Variants in KDM5C observed in about 807,000 individuals in gnomAD.
KDM5C encodes the protein lysine demethylase 5C, also known as lysine-specific demethylase 5C.
In KDM5C, 16 loss-of-function variants were observed where a neutral mutation model predicts 110.6. The observed-to-expected ratio is 0.14, with a 90% confidence interval of 0.10 to 0.22. The LOEUF is 0.22. Ranked by LOEUF, KDM5C falls within the 10% of genes least tolerant of loss-of-function variation. The pLI is 1.00. For synonymous variants in KDM5C, 511 were observed against 520.4 expected (o/e 0.98, Z 0.24); for missense variants, 681 against 1,300.9 (o/e 0.52, Z 7.33).
intron 10 of KDM5C, 25 bp from the exon 11 acceptor site, chrX:53,210,882 AG>A (rs782693823): frequency 8.6e-7 from 1 of 1,167,232 alleles, no homozygotes; most frequent in South Asian, 1.8e-5. Context: ...ATTTGTAAAA[AG>A]GGCATGAGGG....
rs2073633169 is a variant in KDM5C, at chrX:53,213,282, T to C, written c.1123-1376A>G. Among the ~76,000 whole-genome samples the C allele has an allele frequency of 2.7e-5, 3 of 111,769 alleles. No homozygotes were observed. The South Asian group carries it at 1.1e-3, about 42-fold the overall frequency. On this transcript the variant is annotated intron_variant, in intron 8 of 25. Coordinates refer to ENST00000375401, the MANE Select transcript of KDM5C (RefSeq NM_004187.5). ...GTCGACAGTCTTGATACTGTTGGTA[T>C]CCAAACTCCTCCCCAACTAGAATCT...
chrX:53,181,900 T>C (rs1312456877), intron 25 of KDM5C, among the ~76,000 whole-genome samples: 5 of 109,095 alleles, frequency 4.6e-5, no homozygotes, highest in Non-Finnish European at 7.6e-5. Context: ...ACCATTCTCC[T>C]GCCTCAGCCT....
rs142690298 is a variant in KDM5C, at chrX:53,194,958, C to T, written c.3411G>A (p.Ala1137=). 129 of 1,209,177 alleles carry T rather than the reference C, an allele frequency of 1.1e-4. 1 individual carries two copies. The African/African-American group carries it at 1.5e-3, about 14-fold the overall frequency. ...CAGAGCCTGGGTCCCTGAGGTCCTG[C>T]GCAGACAGCCCCAGCAGCTCTGTGT... The part of the protein sequence containing the change: ...KSDTELLGLS[A]QDLRDPGSVI... The change falls in exon 22 of 26, where the codon GCG becomes GCA. Residue 1137 remains alanine, a synonymous_variant. Transcript: ENST00000375401.
intron 12 of KDM5C, chrX:53,202,512 T>A: frequency 8.1e-6 from 1 of 122,912 alleles, no homozygotes; most frequent in South Asian, 2.7e-4. Context: ...ATATCCCTAA[T>A]TTTCTGACCA....
intron 12 of KDM5C, among the ~76,000 whole-genome samples, chrX:53,208,414 TAC>T (rs1232269514): frequency 1.9e-4 from 3 of 15,674 alleles, no homozygotes; most frequent in Non-Finnish European, 3.2e-4. Flanking sequence ...TATATACACA[TAC>T]ATATATATAT....
chrX:53,195,525 A>C (rs782562371), intron 20 of KDM5C, 115 bp from the exon 21 acceptor site: 7 of 730,154 alleles, frequency 9.6e-6, no homozygotes, highest in Non-Finnish European at 1.5e-5. Flanking sequence ...GGGATTAAAA[A>C]AATAGGTGTC....
At chrX:53,187,765 CT>C (rs112880217), downstream of KDM5C, among the ~76,000 whole-genome samples, 7 of 100,045 alleles carry the variant, frequency 7.0e-5, no homozygotes, top group African/African-American at 1.8e-4. Context: ...AAATAATTTT[CT>C]TTTTTTTTTT....
Position 53,224,782 on chromosome X carries a change from G to T in KDM5C, c.108C>A (p.Pro36=). 1 of 1,211,985 alleles carries T rather than the reference G, an allele frequency of 8.3e-7. No homozygotes were observed. The highest frequency in any genetic ancestry group is 1.1e-6 in the Non-Finnish European group (1 of 895,434). Residue 36 remains proline (P), a synonymous_variant, in exon 1 of 26, where the codon CCC becomes CCA. Coordinates refer to ENST00000375401, the MANE Select transcript of KDM5C (RefSeq NM_004187.5). ...TGCAAATGCCCGATTTCTCTGCGAT[G>T]GGCCTGATTTTCGCGATGTAGCCAA... The part of the protein sequence containing the change: ...DPLGYIAKIR[P]IAEKSGICKI...
intron 5 of KDM5C, among the ~76,000 whole-genome samples, chrX:53,216,467 G>C (rs2073744959): frequency 8.9e-6 from 1 of 112,200 alleles, no homozygotes; most frequent in African/African-American, 3.2e-5. Context: ...ATAGTTATGA[G>C]GGGGGTTAGG....
chrX:53,193,810 A>G lies in KDM5C; in HGVS notation c.4080T>C (p.Pro1360=). ...LLENGDSVTS[P]EKVAPEEGSG... ...AGCCCTCCTCCGGGGCTACCTTCTC[A>G]GGACTGGTCACACTGTCTCCATTCT... Residue 1360 remains proline, a synonymous_variant, in exon 24 of 26, where the codon CCT becomes CCC. Transcript: ENST00000375401. The G allele has an allele frequency of 8.3e-7, 1 of 1,211,204 alleles. No individual in the cohort carries two copies.
rs1165113816 is a variant in KDM5C at position 53,184,188 on chromosome X, T to C, written c.4309-7566A>G. Among the ~76,000 whole-genome samples the C allele has an allele frequency of 2.7e-5, 3 of 112,352 alleles. No individual in the cohort carries two copies. In the East Asian group the frequency reaches 8.3e-4, roughly 31 times the overall value. On this transcript the variant is annotated intron_variant, in intron 25 of 25. Coordinates refer to the KDM5C transcript ENST00000685641. ...TAGTGTATAAAAGCACACTGCTTTT[T>C]ATGTGTTGATCTTGCACCTTGCAAC...
chrX:53,215,020 T>C (rs1296654190), intron 7 of KDM5C, 173 bp from the exon 8 acceptor site: 2 of 520,460 alleles, frequency 3.8e-6, no homozygotes, highest in Non-Finnish European at 3.4e-6. Context: ...TATCATCCAG[T>C]CTTGAATCCT....
Position 53,179,018 on chromosome X carries a change from C to T in KDM5C, c.4309-2396G>A, listed in dbSNP as rs781811259. Among the ~76,000 whole-genome samples the T allele has an allele frequency of 5.4e-5, 6 of 111,420 alleles. No homozygotes were observed. The South Asian group carries it at 2.2e-3, about 42-fold the overall frequency. On this transcript the variant is annotated intron_variant, in intron 25 of 25. Coordinates refer to the KDM5C transcript ENST00000685641. ...GTAAGGCTGAGGTGGGTGGATCACC[C>T]GAGGTCAGGAGTTCAAGGCCAGCCT...
intron 2 of KDM5C, 78 bp downstream of exon 2, chrX:53,220,761 G>A: frequency 1.2e-6 from 1 of 857,680 alleles, no homozygotes; most frequent in Non-Finnish European, 1.7e-6. Context: ...ACCTCAGCCA[G>A]AGAAACTATA....
intron 25 of KDM5C, among the ~76,000 whole-genome samples, chrX:53,180,100 A>G (rs1427386570): frequency 8.9e-6 from 1 of 112,137 alleles, no homozygotes; most frequent in Non-Finnish European, 1.9e-5. Context: ...TCAGCAATAA[A>G]GATAAATGAG....
chrX:53,216,363 G>C lies in KDM5C; in HGVS notation c.658-166C>G, dbSNP rs781949693. ...GTTGCTTTTTGGAGACTGAGGGTAG[G>C]TGAGCTGCCCCCTCGGCCCTCTCTC... On this transcript the variant is annotated intron_variant, in intron 5 of 25. Coordinates refer to ENST00000375401, the MANE Select transcript of KDM5C (RefSeq NM_004187.5). Among the ~76,000 whole-genome samples the C allele has an allele frequency of 1.6e-4, 18 of 112,319 alleles. No individual in the cohort carries two copies. In the South Asian group the frequency reaches 6.7e-3, roughly 42 times the overall value.
chrX:53,218,621 G>A (rs782371633), intron 2 of KDM5C: 1 of 475,994 alleles, frequency 2.1e-6, no homozygotes, highest in South Asian at 2.6e-5. Context: ...TGTCGCCCAA[G>A]CTGGAATGGA....
chrX:53,192,869 A>ACAC lies in KDM5C; in HGVS notation c.*97_*98insGTG. On this transcript the variant is annotated 3_prime_UTR_variant, in exon 26 of 26. Coordinates refer to ENST00000375401, the MANE Select transcript of KDM5C (RefSeq NM_004187.5). ...GGGTAGCAGGGATGGCCACCCCCCT[A>ACAC]CCCGCCCACCCCCCAAGAAGCAGGC... The ACAC allele has an allele frequency of 2.8e-5, 5 of 179,881 alleles. No individual in the cohort carries two copies. Among genetic ancestry groups the ACAC allele is most frequent in the Non-Finnish European group, 3.6e-5 (4 of 112,549 alleles). 14.8% of individuals were successfully genotyped at this position (179,881 alleles called of 1,213,427 possible).
chrX:53,202,031 G>A, intron 12 of KDM5C, 58 bp from the exon 13 acceptor site: 1 of 1,184,999 alleles, frequency 8.4e-7, no homozygotes, highest in South Asian at 1.8e-5. Flanking sequence ...ATACAGACCT[G>A]ACTTAAGTGC....
Sources: allele counts gnomAD v4.1 joint callset (sites outside exome capture counted in the v4.1 genomes callset), GRCh38; gene constraint gnomAD v4.1.1; transcripts MANE v1.5; gene names NCBI Gene and HGNC (gene_info 2026-07-23, HGNC 2026-07-21).